ZIM2: variants seen among roughly 807,000 people sequenced by gnomAD.
ZIM2 encodes the protein zinc finger protein 656.
ZIM2 carries 14 observed loss-of-function variants against 38.6 expected under a neutral mutation model. The observed-to-expected ratio is 0.36, with a 90% CI of 0.24 to 0.57. The LOEUF is 0.57. ZIM2 is among the 20% of genes least tolerant of loss of function. ZIM2 has a pLI of 0.81. For missense variants in ZIM2, 680 were observed against 695.1 expected (o/e 0.98, Z 0.24); for synonymous variants, 247 against 245.8 (o/e 1.00, Z -0.04).
At chr19:56,811,341 G>A (rs1339053611) in intron 9 of ZIM2, 2 of 887,908 alleles carry the variant, frequency 2.3e-6, no homozygotes, top group East Asian at 2.4e-4. Flanking sequence ...TAAATGAACA[G>A]CATATAAATG....
At chr19:56,795,648 G>A (rs1185482850) in intron 9 of ZIM2, among the ~76,000 whole-genome samples, 1 of 152,142 alleles carries the variant, frequency 6.6e-6, no homozygotes, top group Non-Finnish European at 1.5e-5. Flanking sequence ...GGAGAAGGGC[G>A]GCGACGTAGG....
At position 56,814,442 on chromosome 19, in the gene ZIM2, A is replaced by C. The variant is rs937324833; in HGVS notation, c.490+3304T>G. The C allele has an allele frequency of 6.2e-7, 1 of 1,613,902 alleles. No homozygotes were observed. Among genetic ancestry groups the C allele is most frequent in the Admixed American group, 1.7e-5 (1 of 60,028 alleles). Reference sequence around the variant, plus strand: ...ATAAAGGACTTACCACAATCCTTGCATTCATAGAATGGTATAGCTCCTTTG... The same window carrying C: ...ATAAAGGACTTACCACAATCCTTGCCTTCATAGAATGGTATAGCTCCTTTG... On this transcript the variant is annotated intron_variant, in intron 9 of 12. Coordinates refer to ENST00000629319, the MANE Select transcript of ZIM2 (RefSeq NM_001387356.1). The surrounding 1 kb of genome is among the most constrained non-coding windows in gnomAD (Gnocchi z 5.8).
At chr19:56,782,163 G>T (rs1354544828) in intron 10 of ZIM2, 42 bp from the exon 11 acceptor site, 13 of 1,595,852 alleles carry the variant, frequency 8.1e-6, no homozygotes, top group Non-Finnish European at 1.0e-5. Flanking sequence ...AGAGAGGACT[G>T]AACATGATGC....
intron 2 of ZIM2, among the ~76,000 whole-genome samples, chr19:56,830,742 A>C (rs563730625): frequency 6.6e-6 from 1 of 152,038 alleles, no homozygotes; most frequent in Non-Finnish European, 1.5e-5. Context: ...AGTTACCTGC[A>C]ACTTCAAACA....
intron 5 of ZIM2, 86 bp downstream of exon 5, chr19:56,823,504 T>C: frequency 6.6e-7 from 1 of 1,525,278 alleles, no homozygotes; most frequent in South Asian, 1.1e-5. Flanking sequence ...CGGGTCATCT[T>C]CATGGAGGCC....
At chr19:56,810,980 G>A in intron 9 of ZIM2, 1 of 971,736 alleles carries the variant, frequency 1.0e-6, no homozygotes, top group Non-Finnish European at 1.2e-6. Flanking sequence ...TTCCACAAAG[G>A]TAATGTAACA....
Position 56,822,795 on chromosome 19 carries a change from C to G in ZIM2, c.148G>C (p.Glu50Gln). The G allele has an allele frequency of 6.2e-7, 1 of 1,614,112 alleles. No homozygotes were observed. The highest frequency in any genetic ancestry group is 8.5e-7 in the Non-Finnish European group (1 of 1,180,012). Residue 50 changes from glutamate (E) to glutamine (Q), a missense_variant, in exon 6 of 13, where the codon GAG becomes CAG. Glu to Gln is a conservative substitution (Grantham distance 29). Transcript: ENST00000629319. ...WDRRGRSRDMEPRDRWSHTRN... is the reference protein window; with the variant it reads ...WDRRGRSRDMQPRDRWSHTRN... ...GTGTGGGACCAGCGGTCTCGTGGCT[C>G]CATGTCTCTGCTTCTGCCCCTCCGG...
chr19:56,822,854 T>A lies in ZIM2; in HGVS notation c.107-18A>T. ...CCGGTCACCTAAGCAGGTGAGACAT[T>A]CCAGTGGTTAACAAAGCTCTTTGAC... On this transcript the variant is annotated intron_variant, in intron 5 of 12. Transcript: ENST00000629319. 2 of 1,610,508 alleles carry A rather than the reference T, an allele frequency of 1.2e-6. No homozygotes were observed. The highest frequency in any genetic ancestry group is 1.7e-6 in the Non-Finnish European group (2 of 1,178,402).
intron 2 of ZIM2, chr19:56,833,147 A>G (rs1224933091): frequency 1.9e-6 from 1 of 517,170 alleles, no homozygotes; most frequent in Admixed American, 1.9e-5. Context: ...AAATCCTGTG[A>G]CTCCGGTTTG....
intron 9 of ZIM2, among the ~76,000 whole-genome samples, chr19:56,809,341 C>A (rs1825662171): frequency 6.6e-6 from 1 of 152,170 alleles, no homozygotes; most frequent in African/African-American, 2.4e-5. Flanking sequence ...ATCTTAAGAA[C>A]AAAATCCAAT....
chr19:56,821,648 T>C lies in ZIM2; in HGVS notation c.294+3A>G, dbSNP rs1474946742. 1.2e-6 allele frequency: 2 copies of C among 1,613,654 alleles called. No individual in the cohort carries two copies. Among genetic ancestry groups the C allele is most frequent in the East Asian group, 2.2e-5 (1 of 44,880 alleles). On this transcript the variant is annotated splice_donor_region_variant and intron_variant, in intron 7 of 12. Coordinates refer to ENST00000629319, the MANE Select transcript of ZIM2 (RefSeq NM_001387356.1). The stretch of plus-strand genomic sequence containing the variant: ...TCTAGAAAGAGAGGAAACCTGAGCA[T>C]ACCTGAGATCGGGACTCATAAGCCC...
chr19:56,817,664 T>C, intron 9 of ZIM2, 82 bp downstream of exon 9: 1 of 1,527,130 alleles, frequency 6.5e-7, no homozygotes, highest in Non-Finnish European at 9.1e-7. Context: ...TTCTGTGATG[T>C]TTAGGAATGC....
chr19:56,798,833 T>G (rs140132896), intron 9 of ZIM2: 1 of 152,282 alleles, frequency 6.6e-6, no homozygotes, highest in East Asian at 1.9e-4. Context: ...AGAAGAAATT[T>G]ATGTGGGCAA....
At chr19:56,823,837 C>A (rs890659889) in intron 4 of ZIM2, among the ~76,000 whole-genome samples, 158 bp from the exon 5 acceptor site, 1 of 152,130 alleles carries the variant, frequency 6.6e-6, no homozygotes, top group African/African-American at 2.4e-5. Context: ...GGCTTCCAAC[C>A]ACTCCTGGCA....
Position 56,836,044 on chromosome 19 carries a change from C to A in ZIM2, c.-253G>T. On this transcript the variant is annotated 5_prime_UTR_variant, in exon 2 of 13. Coordinates refer to ENST00000629319, the MANE Select transcript of ZIM2 (RefSeq NM_001387356.1). Reference sequence around the variant, plus strand: ...TGGACCCAGCCACCTAGCGTTTGGACCTAGTCCCTCTTCCTCTCGCCAGTC... The same window carrying A: ...TGGACCCAGCCACCTAGCGTTTGGAACTAGTCCCTCTTCCTCTCGCCAGTC... 2.0e-6 allele frequency: 1 copy of A among 510,734 alleles called. No homozygotes were observed. The highest frequency in any genetic ancestry group is 2.0e-5 in the Admixed American group (1 of 50,576). The allele number at this position is 510,734 out of a possible 1,614,324, so 31.6% of individuals were successfully genotyped here.
At chr19:56,807,212 G>T (rs2047800976) in intron 9 of ZIM2, among the ~76,000 whole-genome samples, 1 of 152,050 alleles carries the variant, frequency 6.6e-6, no homozygotes, top group Admixed American at 6.6e-5. Flanking sequence ...GGCAAAACGT[G>T]GTTATAAACC....
intron 9 of ZIM2, among the ~76,000 whole-genome samples, chr19:56,807,068 G>A (rs962297053): frequency 6.6e-6 from 1 of 152,132 alleles, no homozygotes; most frequent in South Asian, 2.1e-4. Context: ...AATGCCAAAT[G>A]CCCCAAACAG....
chr19:56,776,781 A>G (rs2046031909), intron 12 of ZIM2, among the ~76,000 whole-genome samples: 1 of 152,182 alleles, frequency 6.6e-6, no homozygotes, highest in Non-Finnish European at 1.5e-5. Context: ...CCACTTAGGA[A>G]CAGAAAATGA....
At chr19:56,790,257 G>T (rs2046858887) in intron 9 of ZIM2, among the ~76,000 whole-genome samples, 1 of 152,144 alleles carries the variant, frequency 6.6e-6, no homozygotes, top group African/African-American at 2.4e-5. Flanking sequence ...CAGAACCTCT[G>T]TTTCTCAACT....
Sources: allele counts gnomAD v4.1 joint callset (sites outside exome capture counted in the v4.1 genomes callset), GRCh38; gene constraint gnomAD v4.1.1; non-coding constraint Gnocchi (gnomAD v3.1); transcripts MANE v1.5; gene names NCBI Gene and HGNC (gene_info 2026-07-23, HGNC 2026-07-21).